GRM7: variants seen among roughly 807,000 people sequenced by gnomAD.
The protein encoded by GRM7 is glutamate metabotropic receptor 7, also known as metabotropic glutamate receptor 7.
In GRM7, 35 loss-of-function variants were observed where a neutral mutation model predicts 84.5. The ratio of observed to expected loss-of-function variants is 0.41; its 90% confidence interval spans 0.32 to 0.55. The LOEUF is 0.55. GRM7 is among the 20% of genes least tolerant of loss of function. The pLI, the probability that GRM7 is intolerant of heterozygous loss-of-function variation, is 0.19. For missense variants in GRM7, 1,003 were observed against 1,194.6 expected (o/e 0.84, Z 2.36); for synonymous variants, 487 against 455.1 (o/e 1.07, Z -0.89).
intron 7 of GRM7, among the ~76,000 whole-genome samples, chr3:7,477,857 G>C (rs151016632): frequency 4.6e-5 from 7 of 152,064 alleles, no homozygotes; most frequent in African/African-American, 1.7e-4. Context: ...CTTGGTCCAT[G>C]TCAATTTCTG....
chr3:7,477,138 T>C (rs1698952547), intron 7 of GRM7, among the ~76,000 whole-genome samples: 1 of 152,202 alleles, frequency 6.6e-6, no homozygotes, highest in African/African-American at 2.4e-5. Flanking sequence ...CTAACTTTTC[T>C]TTTCCAGAGA....
At chr3:7,004,228 G>A (rs1161566914) in intron 1 of GRM7, among the ~76,000 whole-genome samples, 3 of 152,130 alleles carry the variant, frequency 2.0e-5, no homozygotes, top group Non-Finnish European at 2.9e-5. Flanking sequence ...ATAACAGGAG[G>A]TGAGAATAAT....
intron 1 of GRM7, among the ~76,000 whole-genome samples, chr3:6,972,201 G>A (rs1007210844): frequency 2.0e-5 from 3 of 152,140 alleles, no homozygotes; most frequent in African/African-American, 7.2e-5. Flanking sequence ...ATTGACGTCA[G>A]AACACACAGT....
At chr3:7,580,890 GAA>G (rs3838618) in intron 8 of GRM7, among the ~76,000 whole-genome samples, 1 of 148,944 alleles carries the variant, frequency 6.7e-6, no homozygotes, top group Admixed American at 6.7e-5. Flanking sequence ...ATAGAGAGAA[GAA>G]AAAAAAAATC....
chr3:7,687,986 C>T (rs1414681172), intron 9 of GRM7, among the ~76,000 whole-genome samples: 1 of 152,008 alleles, frequency 6.6e-6, no homozygotes, highest in Admixed American at 6.6e-5. Flanking sequence ...TAACTGTATT[C>T]CCGTGAGATT....
At chr3:7,082,875 T>A (rs1698317860) in intron 1 of GRM7, among the ~76,000 whole-genome samples, 1 of 152,150 alleles carries the variant, frequency 6.6e-6, no homozygotes, top group South Asian at 2.1e-4. Flanking sequence ...CCTGAAGATG[T>A]GGCTAATCTT....
At chr3:7,183,610 G>A (rs1477207566) in intron 2 of GRM7, among the ~76,000 whole-genome samples, 3 of 152,074 alleles carry the variant, frequency 2.0e-5, no homozygotes, top group Non-Finnish European at 4.4e-5. Flanking sequence ...CTGGGTGACA[G>A]CAAGACTCCA....
chr3:7,117,675 G>T (rs9838094), intron 1 of GRM7, among the ~76,000 whole-genome samples: 32,038 of 152,156 alleles, frequency 0.21, 3,555 homozygotes, highest in Middle Eastern at 0.31. Flanking sequence ...CGACAGTTCA[G>T]ATAAAAAGCC....
At position 7,146,605 on chromosome 3, in the gene GRM7, G is replaced by A. The variant is rs763560092; in HGVS notation, c.673G>A (p.Ala225Thr). ...AGGCTGGAATTATGTGTCTACCCTC[G>A]CATCGGAAGGAAGTTATGGAGAGAA... ...ALGWNYVSTL[A>T]SEGSYGEKGV... The change falls in exon 2 of 10, where the codon GCA becomes ACA. Residue 225 changes from alanine to threonine, a missense_variant. Transcript: ENST00000357716. 5 of 1,613,966 alleles carry A rather than the reference G, an allele frequency of 3.1e-6. No individual in the cohort carries two copies. The highest frequency in any genetic ancestry group is 1.7e-5 in the Admixed American group (1 of 59,996).
intron 8 of GRM7, among the ~76,000 whole-genome samples, chr3:7,658,010 A>ATAGAT (rs1465189203): frequency 6.6e-6 from 1 of 152,222 alleles, no homozygotes; most frequent in Non-Finnish European, 1.5e-5. Flanking sequence ...GACCATAACC[A>ATAGAT]TAGATTAATT....
At chr3:6,930,455 G>A (rs1002075492) in intron 1 of GRM7, among the ~76,000 whole-genome samples, 1 of 152,142 alleles carries the variant, frequency 6.6e-6, no homozygotes, top group Non-Finnish European at 1.5e-5. Flanking sequence ...AATATGTAGT[G>A]TAGGCAACAC....
At chr3:7,611,334 T>G (rs1696838185) in intron 8 of GRM7, among the ~76,000 whole-genome samples, 1 of 152,098 alleles carries the variant, frequency 6.6e-6, no homozygotes, top group African/African-American at 2.4e-5. Context: ...AGAAATAAAC[T>G]ATGTGCAGTG....
At chr3:7,100,674 AAG>A (rs766658714) in intron 1 of GRM7, among the ~76,000 whole-genome samples, 7 of 151,794 alleles carry the variant, frequency 4.6e-5, no homozygotes, top group Non-Finnish European at 8.8e-5. Context: ...CTCAGATTTT[AAG>A]AGAGGAATTT....
rs189608454 is a variant in GRM7 at position 6,904,242 on chromosome 3, T to C, written c.519+42335T>C. Among the ~76,000 whole-genome samples the C allele has an allele frequency of 3.9e-4, 60 of 152,300 alleles. No homozygotes were observed. The East Asian group carries it at 0.011, about 27-fold the overall frequency. ...TTTGTAGTTTTTTATTCTCTCTAAA[T>C]TTTGTCTTTGACATTTAGATATTAA... On this transcript the variant is annotated intron_variant, in intron 1 of 9. Coordinates refer to ENST00000357716, the MANE Select transcript of GRM7 (RefSeq NM_000844.4).
chr3:7,142,932 A>G (rs62237665), intron 1 of GRM7, among the ~76,000 whole-genome samples: 1,911 of 152,280 alleles, frequency 0.013, 45 homozygotes, highest in Non-Finnish European at 0.011. Context: ...TAAGATGACA[A>G]TATGGTCCTG....
At chr3:7,495,913 G>A (rs1265437750) in intron 7 of GRM7, among the ~76,000 whole-genome samples, 1 of 152,062 alleles carries the variant, frequency 6.6e-6, no homozygotes, top group African/African-American at 2.4e-5. Context: ...CCTCCTGAAG[G>A]GTTTATAGCT....
intron 2 of GRM7, among the ~76,000 whole-genome samples, chr3:7,284,957 A>G (rs180716426): frequency 9.5e-4 from 145 of 152,316 alleles, no homozygotes; most frequent in African/African-American, 3.4e-3. Flanking sequence ...TATATTACTA[A>G]AACTTAATAG....
chr3:6,917,512 T>G (rs1359005125), intron 1 of GRM7, among the ~76,000 whole-genome samples: 3 of 128,970 alleles, frequency 2.3e-5, no homozygotes, highest in East Asian at 2.4e-4. Flanking sequence ...TTTTTTTTTT[T>G]GGAAAGAGAA....
intron 5 of GRM7, among the ~76,000 whole-genome samples, chr3:7,416,254 C>T (rs1696153709): frequency 2.0e-5 from 3 of 152,070 alleles, no homozygotes; most frequent in Admixed American, 2.0e-4. Context: ...CAGTGGTAAC[C>T]ATGGAAGGGT....
Sources: allele counts gnomAD v4.1 joint callset (sites outside exome capture counted in the v4.1 genomes callset), GRCh38; gene constraint gnomAD v4.1.1; transcripts MANE v1.5; gene names NCBI Gene and HGNC (gene_info 2026-07-23, HGNC 2026-07-21).